Variants in ANO3 observed in about 807,000 individuals in gnomAD.
ANO3 encodes anoctamin-3.
A neutral mutation model predicts 144.8 loss-of-function variants in ANO3; 99 were observed. The observed-to-expected ratio is 0.68, with a 90% CI of 0.58 to 0.81. ANO3 has a LOEUF of 0.81. Ranked by LOEUF, ANO3 falls within the 30% of genes least tolerant of loss-of-function variation. The pLI is 0.00. For missense variants in ANO3, 905 were observed against 1,202.2 expected (o/e 0.75, Z 3.66); for synonymous variants, 414 against 392.6 (o/e 1.05, Z -0.64).
intron 11 of ANO3, among the ~76,000 whole-genome samples, chr11:26,546,290 A>G (rs1382321631): frequency 6.6e-6 from 1 of 151,986 alleles, no homozygotes; most frequent in African/African-American, 2.4e-5. Flanking sequence ...AGATAAATAA[A>G]ATGAAAAAAT....
intron 1 of ANO3, among the ~76,000 whole-genome samples, chr11:26,421,862 G>A (rs1465581917): frequency 6.6e-6 from 1 of 151,922 alleles, no homozygotes; most frequent in Non-Finnish European, 1.5e-5. Context: ...ACCAAATATC[G>A]CATGTTCTCA....
chr11:26,643,684 G>A (rs1429911105), intron 23 of ANO3, among the ~76,000 whole-genome samples: 1 of 151,700 alleles, frequency 6.6e-6, no homozygotes, highest in East Asian at 1.9e-4. Flanking sequence ...GAACACGGGA[G>A]GCAGAGGTTG....
chr11:26,239,048 T>C (rs915869892), intron 1 of ANO3, among the ~76,000 whole-genome samples: 1 of 149,356 alleles, frequency 6.7e-6, no homozygotes, highest in South Asian at 2.1e-4. Flanking sequence ...TAATTTAATA[T>C]TTATATTAAT....
intron 17 of ANO3, among the ~76,000 whole-genome samples, chr11:26,616,436 G>GT (rs35002566): frequency 0.038 from 5,172 of 137,368 alleles, 99 homozygotes; most frequent in African/African-American, 0.052. Context: ...TGCGTTTCTG[G>GT]TTTTTTTTTT....
At chr11:26,338,438 T>C (rs1047292182) in intron 1 of ANO3, among the ~76,000 whole-genome samples, 8 of 152,080 alleles carry the variant, frequency 5.3e-5, no homozygotes, top group Admixed American at 5.2e-4. Context: ...CTCTGTAAAA[T>C]GGACCAATCA....
At chr11:26,193,618 A>T (rs997958002) in intron 1 of ANO3, among the ~76,000 whole-genome samples, 1 of 152,212 alleles carries the variant, frequency 6.6e-6, no homozygotes, top group Non-Finnish European at 1.5e-5. Flanking sequence ...TCTACCCAGA[A>T]AGTTCTTCCT....
chr11:26,598,831 T>G, intron 15 of ANO3, 27 bp from the exon 16 acceptor site: 1 of 1,603,114 alleles, frequency 6.2e-7, no homozygotes, highest in Middle Eastern at 1.7e-4. Context: ...GGCTTTGATA[T>G]TTAGATAACT....
chr11:26,242,068 T>G (rs563703647), intron 1 of ANO3, among the ~76,000 whole-genome samples: 24 of 152,328 alleles, frequency 1.6e-4, no homozygotes, highest in Non-Finnish European at 3.1e-4. Context: ...AAGGATGTTT[T>G]GTGCAAGGAA....
chr11:26,645,935 G>T (rs1853329522), intron 23 of ANO3, among the ~76,000 whole-genome samples: 2 of 152,070 alleles, frequency 1.3e-5, no homozygotes, highest in Non-Finnish European at 2.9e-5. Flanking sequence ...TTCAGCTTTA[G>T]TGAGCATTTA....
At chr11:26,333,049 A>T (rs1270155092) in intron 1 of ANO3, among the ~76,000 whole-genome samples, 1 of 152,180 alleles carries the variant, frequency 6.6e-6, no homozygotes, top group African/African-American at 2.4e-5. Context: ...TTTGAGGCAC[A>T]TTCACAGTTT....
At chr11:26,446,257 A>C (rs1248359631) in intron 3 of ANO3, among the ~76,000 whole-genome samples, 1 of 152,246 alleles carries the variant, frequency 6.6e-6, no homozygotes, top group Non-Finnish European at 1.5e-5. Flanking sequence ...ATGAGTAAAC[A>C]TTTTGGCAAT....
At chr11:26,565,582 C>T in intron 14 of ANO3, 1 of 1,613,292 alleles carries the variant, frequency 6.2e-7, no homozygotes, top group Non-Finnish European at 8.5e-7. Flanking sequence ...GAATGCTCTG[C>T]TGATGAGTTA....
intron 1 of ANO3, among the ~76,000 whole-genome samples, chr11:26,349,349 A>T (rs1855574930): frequency 6.6e-6 from 1 of 152,198 alleles, no homozygotes; most frequent in African/African-American, 2.4e-5. Flanking sequence ...ATAATGCCTT[A>T]AACTTGTGCA....
intron 1 of ANO3, among the ~76,000 whole-genome samples, chr11:26,410,882 T>C (rs999705661): frequency 6.6e-6 from 1 of 151,940 alleles, no homozygotes; most frequent in Non-Finnish European, 1.5e-5. Context: ...ATTTCCATTG[T>C]TGGGAGGATA....
At chr11:26,451,752 C>G (rs960164921) in intron 3 of ANO3, among the ~76,000 whole-genome samples, 2 of 152,186 alleles carry the variant, frequency 1.3e-5, no homozygotes, top group South Asian at 2.1e-4. Flanking sequence ...CAGCATGCAG[C>G]TGGAGATCTG....
Position 26,228,416 on chromosome 11 carries a change from G to A in ANO3, c.154+39086G>A, listed in dbSNP as rs374252575. On this transcript the variant is annotated intron_variant, in intron 1 of 27. Coordinates refer to the ANO3 transcript ENST00000672621. ...AAGCTGCTGAATAACAAGAGGTGTA[G>A]CACTAAAATCTAATAATATTTTCTG... is the stretch of plus-strand genomic sequence containing the variant. 2.8e-4 allele frequency among the ~76,000 whole-genome samples: 42 copies of A among 152,318 alleles called. No individual in the cohort carries two copies. In the South Asian group the frequency reaches 8.7e-3, roughly 32 times the overall value.
chr11:26,423,601 G>A (rs1021154545), intron 1 of ANO3, among the ~76,000 whole-genome samples: 5 of 151,670 alleles, frequency 3.3e-5, no homozygotes, highest in Admixed American at 3.3e-4. Flanking sequence ...GTGATGGTAG[G>A]TAGACATTTC....
At chr11:26,576,237 G>T (rs1454596664) in intron 14 of ANO3, among the ~76,000 whole-genome samples, 1 of 152,122 alleles carries the variant, frequency 6.6e-6, no homozygotes, top group African/African-American at 2.4e-5. Context: ...ACGTTTCCAA[G>T]AATATTTTCT....
At chr11:26,194,123 A>G (rs1436224500) in intron 1 of ANO3, among the ~76,000 whole-genome samples, 1 of 152,030 alleles carries the variant, frequency 6.6e-6, no homozygotes, top group Non-Finnish European at 1.5e-5. Context: ...TTCAAAATAC[A>G]CTAAGGAGGT....
Sources: allele counts gnomAD v4.1 joint callset (sites outside exome capture counted in the v4.1 genomes callset), GRCh38; gene constraint gnomAD v4.1.1; transcripts MANE v1.5; gene names NCBI Gene and HGNC (gene_info 2026-07-23, HGNC 2026-07-21).